Variants in RGS7BP observed in about 807,000 individuals in gnomAD.
RGS7BP encodes regulator of G protein signaling 7-binding protein.
In RGS7BP, 9 loss-of-function variants were observed where a neutral mutation model predicts 31.3. The ratio of observed to expected loss-of-function variants is 0.29; its 90% CI spans 0.17 to 0.50. RGS7BP has a LOEUF of 0.50. Ranked by LOEUF, RGS7BP falls within the 20% of genes least tolerant of loss-of-function variation. The pLI is 0.98. For missense variants in RGS7BP, 274 were observed against 322.0 expected (o/e 0.85, Z 1.14); for synonymous variants, 115 against 120.1 (o/e 0.96, Z 0.28).
At chr5:64,527,606 T>A (rs1749261957) in intron 2 of RGS7BP, among the ~76,000 whole-genome samples, 2 of 86,482 alleles carry the variant, frequency 2.3e-5, no homozygotes, top group Non-Finnish European at 2.3e-5. Context: ...CTTATAACAG[T>A]AAAAAAAAAA....
intron 2 of RGS7BP, among the ~76,000 whole-genome samples, chr5:64,517,908 TA>T (rs746586410): frequency 4.7e-4 from 71 of 151,852 alleles, no homozygotes; most frequent in Non-Finnish European, 7.4e-4. Context: ...TGAGACTCTT[TA>T]AAAAATTTTT....
chr5:64,601,345 G>T (rs559744405), intron 5 of RGS7BP: 1 of 502,284 alleles, frequency 2.0e-6, no homozygotes, highest in African/African-American at 2.1e-5. Context: ...CTCCAAAACT[G>T]TTCCATGTTT....
At chr5:64,573,932 T>TA (rs1229799530) in intron 2 of RGS7BP, among the ~76,000 whole-genome samples, 2 of 152,300 alleles carry the variant, frequency 1.3e-5, no homozygotes, top group East Asian at 3.9e-4. Flanking sequence ...ATGTGTCCAT[T>TA]AAAAATAAAA....
At chr5:64,542,866 A>G (rs1249583428) in intron 2 of RGS7BP, among the ~76,000 whole-genome samples, 1 of 152,182 alleles carries the variant, frequency 6.6e-6, no homozygotes, top group Non-Finnish European at 1.5e-5. Flanking sequence ...TGTCTCTTTT[A>G]TATGCACTGT....
At chr5:64,541,822 C>G (rs931059129) in intron 2 of RGS7BP, among the ~76,000 whole-genome samples, 3 of 152,148 alleles carry the variant, frequency 2.0e-5, no homozygotes, top group Admixed American at 1.3e-4. Flanking sequence ...ATACATTCCC[C>G]CAGTTTGTTC....
At chr5:64,540,067 T>C (rs1038743223) in intron 2 of RGS7BP, among the ~76,000 whole-genome samples, 3 of 152,120 alleles carry the variant, frequency 2.0e-5, no homozygotes, top group Admixed American at 1.3e-4. Flanking sequence ...AGCAGAAAAA[T>C]ATTACTTATA....
intron 5 of RGS7BP, among the ~76,000 whole-genome samples, chr5:64,598,659 C>T (rs1743140918): frequency 6.6e-6 from 1 of 152,154 alleles, no homozygotes. Flanking sequence ...AAACGAACTC[C>T]TTCTCCACTG....
At chr5:64,602,473 A>C (rs1743243820) in intron 5 of RGS7BP, among the ~76,000 whole-genome samples, 1 of 152,234 alleles carries the variant, frequency 6.6e-6, no homozygotes, top group Non-Finnish European at 1.5e-5. Flanking sequence ...AAGGAAGAAC[A>C]GACCTCTCAC....
In RGS7BP at chr5:64,554,139, G is replaced by A. The variant is rs117720734; in HGVS notation, c.333-21635G>A. On this transcript the variant is annotated intron_variant, in intron 2 of 5. Coordinates refer to ENST00000334025, the MANE Select transcript of RGS7BP (RefSeq NM_001029875.3). The stretch of plus-strand genomic sequence containing the variant: ...GGATTTCAGTTTGGCTTGGTCAATC[G>A]GGAACTCTGGCAGGACATTGGAAGG... 2.5e-3 allele frequency among the ~76,000 whole-genome samples: 384 copies of A among 152,180 alleles called. 9 individuals are homozygous for A. The South Asian group carries it at 0.033, about 13-fold the overall frequency.
At chr5:64,513,145 A>T (rs6858983) in intron 2 of RGS7BP, among the ~76,000 whole-genome samples, 1 of 152,008 alleles carries the variant, frequency 6.6e-6, no homozygotes, top group Non-Finnish European at 1.5e-5. Context: ...GAATTCCGGA[A>T]ATAATATGTT....
intron 2 of RGS7BP, among the ~76,000 whole-genome samples, chr5:64,534,255 A>C (rs200617114): frequency 1.4e-5 from 1 of 71,588 alleles, no homozygotes; most frequent in African/African-American, 4.1e-5. Flanking sequence ...GACAGACTGG[A>C]GTGTGGTGAG....
In RGS7BP at chr5:64,527,016, A is replaced by T. The variant is rs574797557; in HGVS notation, c.332+19139A>T. ...TCTCTTCCAATGTATTCTCCTGAAT[A>T]CACACTTGAAATTTCTCTTTCAAGA... On this transcript the variant is annotated intron_variant, in intron 2 of 5. Transcript: ENST00000334025. 2.0e-5 allele frequency among the ~76,000 whole-genome samples: 3 copies of T among 152,368 alleles called. No individual in the cohort carries two copies. In the East Asian group the frequency reaches 5.8e-4, roughly 29 times the overall value.
intron 2 of RGS7BP, among the ~76,000 whole-genome samples, chr5:64,509,456 A>G (rs16892778): frequency 0.28 from 43,243 of 152,050 alleles, 7,086 homozygotes; most frequent in East Asian, 0.69. Flanking sequence ...GATTCAGTCT[A>G]TTTTGCGACA....
intron 2 of RGS7BP, among the ~76,000 whole-genome samples, chr5:64,550,930 A>G (rs1741780485): frequency 6.6e-6 from 1 of 152,006 alleles, no homozygotes; most frequent in African/African-American, 2.4e-5. Flanking sequence ...TTATGGCTGC[A>G]TAGTATTCCA....
rs112162325 is a variant in RGS7BP at position 64,565,159 on chromosome 5, A to C, written c.333-10615A>C. On this transcript the variant is annotated intron_variant, in intron 2 of 5. Coordinates refer to ENST00000334025, the MANE Select transcript of RGS7BP (RefSeq NM_001029875.3). ...TATTATGAATAACTTCACTCATCAC[A>C]ACAACACTATCAGCTAGGCACTGTT... is the stretch of plus-strand genomic sequence containing the variant. 8.9e-3 allele frequency among the ~76,000 whole-genome samples: 1,353 copies of C among 152,238 alleles called. 26 individuals are homozygous for C. Among genetic ancestry groups the C allele is most frequent in the African/African-American group, 0.029 (1,215 of 41,546 alleles).
Position 64,544,647 on chromosome 5 carries a change from C to T in RGS7BP, c.333-31127C>T, listed in dbSNP as rs183424311. On this transcript the variant is annotated intron_variant, in intron 2 of 5. Transcript: ENST00000334025. Reference sequence around the variant, plus strand: ...TTTGATCATGTAACTGCACTCCAGCCGGGGCAACCAAGCGAGACCCTGTCT... The same window carrying T: ...TTTGATCATGTAACTGCACTCCAGCTGGGGCAACCAAGCGAGACCCTGTCT... Among the ~76,000 whole-genome samples, 21 of 151,764 alleles carry T rather than the reference C, an allele frequency of 1.4e-4. 1 individual carries two copies. The highest frequency in any genetic ancestry group is 3.9e-4 in the East Asian group (2 of 5,144).
intron 3 of RGS7BP, among the ~76,000 whole-genome samples, chr5:64,594,179 T>C (rs953616967): frequency 1.3e-5 from 2 of 152,168 alleles, no homozygotes; most frequent in African/African-American, 2.4e-5. Flanking sequence ...CATAGAAGGA[T>C]GTGTTGAAGG....
intron 2 of RGS7BP, among the ~76,000 whole-genome samples, chr5:64,522,954 T>G (rs1421693568): frequency 6.6e-6 from 1 of 152,018 alleles, no homozygotes; most frequent in African/African-American, 2.4e-5. Flanking sequence ...GGAAATTCTG[T>G]GGGATGTGAG....
Position 64,506,607 on chromosome 5 carries a change from C to G in RGS7BP, c.-18C>G. On this transcript the variant is annotated 5_prime_UTR_variant, in exon 1 of 6. Transcript: ENST00000334025. The surrounding 1 kb of genome is among the most constrained non-coding windows in gnomAD (Gnocchi z 4.6). Reference sequence around the variant, plus strand: ...GGGCGCACTGCACCAGCGGCTTCGGCTTGGTGGATGTGTATGCATGAGTTC... The same window carrying G: ...GGGCGCACTGCACCAGCGGCTTCGGGTTGGTGGATGTGTATGCATGAGTTC... The G allele has an allele frequency of 6.4e-7, 1 of 1,572,388 alleles. No homozygotes were observed. The highest frequency in any genetic ancestry group is 8.7e-7 in the Non-Finnish European group (1 of 1,149,546).
Sources: gnomAD v4.1 joint callset for allele counts (sites outside exome capture counted in the v4.1 genomes callset) on GRCh38, gnomAD v4.1.1 for gene constraint, Gnocchi (gnomAD v3.1) non-coding constraint, MANE v1.5 for transcripts, NCBI Gene and HGNC (gene_info 2026-07-23, HGNC 2026-07-21) for gene names.